The following MAF variants were observed in gnomAD, a reference collection of about 807,000 sequenced individuals.
MAF encodes the protein MAF bZIP transcription factor.
MAF carries 10 observed loss-of-function variants against 22.0 expected under a neutral mutation model. The ratio of observed to expected loss-of-function variants is 0.45; its 90% confidence interval spans 0.28 to 0.77. The LOEUF (loss-of-function observed/expected upper bound fraction) is 0.77. Among genes scored for constraint, MAF ranks in the 30% least tolerant of loss-of-function variants. The pLI is 0.12. For synonymous variants in MAF, 337 were observed against 255.8 expected (o/e 1.32, Z -3.03); for missense variants, 544 against 548.4 (o/e 0.99, Z 0.08).
At chr16:79,430,639 T>G in the MAF span, among the ~76,000 whole-genome samples, 2 of 152,266 alleles carry the variant, frequency 1.3e-5, no homozygotes, top group Admixed American at 6.5e-5. Context: ...GGCCTGGTGT[T>G]GGTGGAGAGG....
the MAF span, among the ~76,000 whole-genome samples, chr16:79,250,640 G>C: frequency 6.6e-6 from 1 of 152,190 alleles, no homozygotes; most frequent in Non-Finnish European, 1.5e-5. Flanking sequence ...CAATGGTGAT[G>C]AGCACCAGGT....
At chr16:79,492,272 C>G in the MAF span, among the ~76,000 whole-genome samples, 1 of 151,834 alleles carries the variant, frequency 6.6e-6, no homozygotes, top group Non-Finnish European at 1.5e-5. Context: ...GTGAGGTGAG[C>G]GACGCATTCA....
chr16:79,443,230 T>C, the MAF span, among the ~76,000 whole-genome samples: 1 of 152,210 alleles, frequency 6.6e-6, no homozygotes, highest in Non-Finnish European at 1.5e-5. Flanking sequence ...CTGGGCAAAC[T>C]GTTAAACTGG....
the MAF span, among the ~76,000 whole-genome samples, chr16:79,270,352 A>G: frequency 6.6e-6 from 1 of 152,122 alleles, no homozygotes; most frequent in African/African-American, 2.4e-5. Flanking sequence ...AGTAGTAGCA[A>G]GGCTTGCAGT....
At chr16:79,288,557 A>T in the MAF span, among the ~76,000 whole-genome samples, 1 of 152,188 alleles carries the variant, frequency 6.6e-6, no homozygotes, top group Non-Finnish European at 1.5e-5. Context: ...GACACGTGAA[A>T]TTTTGAGATA....
At chr16:79,564,025 A>C in the MAF span, among the ~76,000 whole-genome samples, 122 of 152,362 alleles carry the variant, frequency 8.0e-4, 1 homozygote, top group African/African-American at 2.9e-3. Context: ...TCAAAGGAAA[A>C]AAGAGAGACC....
the MAF span, among the ~76,000 whole-genome samples, chr16:79,313,519 C>A: frequency 1.4e-4 from 21 of 152,276 alleles, no homozygotes; most frequent in South Asian, 3.5e-3. Context: ...AAGAGAACAA[C>A]CCCTATCATT....
At chr16:79,537,607 A>G in the MAF span, among the ~76,000 whole-genome samples, 1 of 152,096 alleles carries the variant, frequency 6.6e-6, no homozygotes, top group Non-Finnish European at 1.5e-5. Flanking sequence ...TCTTTACCCC[A>G]TCAGTCTTTT....
At chr16:79,529,596 G>A in the MAF span, among the ~76,000 whole-genome samples, 1 of 152,318 alleles carries the variant, frequency 6.6e-6, no homozygotes, top group Admixed American at 6.5e-5. Context: ...ATGGATACGT[G>A]TCAGCAGGTG....
the MAF span, among the ~76,000 whole-genome samples, chr16:79,554,523 G>C: frequency 6.6e-6 from 1 of 152,192 alleles, no homozygotes; most frequent in African/African-American, 2.4e-5. Context: ...TTTTAGAAAA[G>C]AGCATGTAAC....
the MAF span, among the ~76,000 whole-genome samples, chr16:79,562,384 G>T: frequency 6.6e-6 from 1 of 152,196 alleles, no homozygotes; most frequent in African/African-American, 2.4e-5. Context: ...ACCCGTGAAT[G>T]AATAAATGGA....
At chr16:79,480,588 G>A in the MAF span, among the ~76,000 whole-genome samples, 1 of 152,128 alleles carries the variant, frequency 6.6e-6, no homozygotes, top group African/African-American at 2.4e-5. Context: ...CTGGCATTCA[G>A]ATGTTTTATC....
chr16:79,392,977 C>T, the MAF span, among the ~76,000 whole-genome samples: 62 of 152,276 alleles, frequency 4.1e-4, no homozygotes, highest in African/African-American at 1.3e-3. Context: ...CAGCTCCTGC[C>T]GCCCTCTCTT....
At chr16:79,441,062 C>G in the MAF span, among the ~76,000 whole-genome samples, 2 of 152,196 alleles carry the variant, frequency 1.3e-5, no homozygotes, top group Non-Finnish European at 1.5e-5. Flanking sequence ...GGTGAAATAT[C>G]TTATCAGAAT....
the MAF span, among the ~76,000 whole-genome samples, chr16:79,454,759 T>C: frequency 6.6e-6 from 1 of 151,506 alleles, no homozygotes; most frequent in South Asian, 2.1e-4. Flanking sequence ...ATCACATTCA[T>C]GACAATGTCT....
chr16:79,217,329 G>C, the MAF span, among the ~76,000 whole-genome samples: 1 of 152,154 alleles, frequency 6.6e-6, no homozygotes, highest in African/African-American at 2.4e-5. Flanking sequence ...ACTTTTATGT[G>C]TGGCCTATAG....
chr16:79,407,040 C>T, the MAF span, among the ~76,000 whole-genome samples: 1 of 152,186 alleles, frequency 6.6e-6, no homozygotes, highest in African/African-American at 2.4e-5. Flanking sequence ...TAACTTCTCC[C>T]GATTTGCTCA....
the MAF span, among the ~76,000 whole-genome samples, chr16:79,546,146 T>A: frequency 6.6e-6 from 1 of 152,160 alleles, no homozygotes; most frequent in Non-Finnish European, 1.5e-5. Context: ...AGAGATGGGA[T>A]GAACTTTAAA....
the MAF span, among the ~76,000 whole-genome samples, chr16:79,359,783 A>C: frequency 6.6e-6 from 1 of 152,084 alleles, no homozygotes; most frequent in Non-Finnish European, 1.5e-5. Context: ...CTTTCATCTT[A>C]AAAGAGACAC....
Sources: allele counts gnomAD v4.1 joint callset (sites outside exome capture counted in the v4.1 genomes callset), GRCh38; gene constraint gnomAD v4.1.1; transcripts MANE v1.5; gene names NCBI Gene and HGNC (gene_info 2026-07-23, HGNC 2026-07-21).